Variants in ATRN observed in about 807,000 individuals in gnomAD.
The protein encoded by ATRN is attractin-2.
ATRN carries 54 observed loss-of-function variants against 178.7 expected under a neutral mutation model. The observed-to-expected ratio is 0.30, with a 90% confidence interval of 0.24 to 0.38. The LOEUF (loss-of-function observed/expected upper bound fraction) is 0.38, where lower values mean the gene tolerates loss of function less well. ATRN is among the 10% of genes least tolerant of loss of function. ATRN has a pLI of 1.00. For missense variants in ATRN, 1,443 were observed against 1,815.1 expected (o/e 0.79, Z 3.73); for synonymous variants, 636 against 663.0 (o/e 0.96, Z 0.63).
intron 24 of ATRN, among the ~76,000 whole-genome samples, chr20:3,617,634 T>C (rs1158873709): frequency 6.6e-6 from 1 of 151,870 alleles, no homozygotes; most frequent in Non-Finnish European, 1.5e-5. Context: ...GCCTGGGCAA[T>C]ATAGTGAGAC....
intron 28 of ATRN, among the ~76,000 whole-genome samples, chr20:3,646,153 G>A (rs2087106400): frequency 6.6e-6 from 1 of 152,162 alleles, no homozygotes; most frequent in East Asian, 1.9e-4. Context: ...CTGAGGTGCA[G>A]GGAGGTTAAA....
rs111995875 is a variant in ATRN, at chr20:3,581,607, A to C, written c.2545-528A>C. ...CTGGAAATCCAAAATGCTCTAGTGA[A>C]CATTTTCCTTCAGCATCCATCATGT... On this transcript the variant is annotated intron_variant, in intron 15 of 28. Coordinates refer to ENST00000262919, the MANE Select transcript of ATRN (RefSeq NM_139321.3). 6.2e-3 allele frequency among the ~76,000 whole-genome samples: 935 copies of C among 151,696 alleles called. 14 individuals are homozygous for C. The highest frequency in any genetic ancestry group is 0.021 in the African/African-American group (868 of 40,972).
At position 3,515,127 on chromosome 20, in the gene ATRN, C is replaced by T. The variant is rs549772576; in HGVS notation, c.411-20126C>T. Reference sequence around the variant, plus strand: ...TTTTCATTTTCAGTATTGTAATGAACGTCTAAAACAGCTGCAGTAAGGCAA... The same window carrying T: ...TTTTCATTTTCAGTATTGTAATGAATGTCTAAAACAGCTGCAGTAAGGCAA... On this transcript the variant is annotated intron_variant, in intron 1 of 28. Coordinates refer to ENST00000262919, the MANE Select transcript of ATRN (RefSeq NM_139321.3). 4.6e-5 allele frequency among the ~76,000 whole-genome samples: 7 copies of T among 152,076 alleles called. No individual in the cohort carries two copies. The South Asian group carries it at 6.2e-4, about 14-fold the overall frequency.
At chr20:3,637,662 G>A (rs1355649933) in intron 26 of ATRN, among the ~76,000 whole-genome samples, 1 of 152,018 alleles carries the variant, frequency 6.6e-6, no homozygotes, top group Non-Finnish European at 1.5e-5. Context: ...ATATGTGAAC[G>A]GCCGTTCACC....
intron 15 of ATRN, among the ~76,000 whole-genome samples, 183 bp downstream of exon 15, chr20:3,578,955 T>G (rs2086246659): frequency 6.6e-6 from 1 of 152,192 alleles, no homozygotes; most frequent in African/African-American, 2.4e-5. Context: ...TCTTAAAATT[T>G]TTAATACTTT....
chr20:3,523,444 G>T (rs1487654174), intron 1 of ATRN, among the ~76,000 whole-genome samples: 1 of 152,148 alleles, frequency 6.6e-6, no homozygotes, highest in East Asian at 1.9e-4. Context: ...CGTTTGATTG[G>T]TGTACCTGAA....
intron 9 of ATRN, 37 bp downstream of exon 9, chr20:3,562,496 A>G (rs754061976): frequency 1.9e-6 from 3 of 1,601,736 alleles, no homozygotes; most frequent in Non-Finnish European, 2.6e-6. Context: ...TTTAAGGTGT[A>G]AATTCTGTAG....
intron 3 of ATRN, among the ~76,000 whole-genome samples, chr20:3,542,184 A>G (rs2085631899): frequency 6.6e-6 from 1 of 152,204 alleles, no homozygotes; most frequent in South Asian, 2.1e-4. Context: ...TTGTAGCAAA[A>G]AGCACCCCAG....
intron 13 of ATRN, among the ~76,000 whole-genome samples, 172 bp from the exon 14 acceptor site, chr20:3,576,687 G>GTCTA (rs1163234122): frequency 3.4e-3 from 295 of 87,862 alleles, no homozygotes; most frequent in African/African-American, 0.011. Flanking sequence ...CTATCTGTCT[G>GTCTA]TCTGTCTGTC....
intron 25 of ATRN, among the ~76,000 whole-genome samples, chr20:3,627,127 G>T (rs114058108): frequency 0.017 from 2,516 of 152,292 alleles, 67 homozygotes; most frequent in African/African-American, 0.057. Flanking sequence ...ATTTTAAGAT[G>T]ATTTGGTTGA....
rs2087010917 is a variant in ATRN at position 3,634,398 on chromosome 20, C to CAGTG, written c.3942+10_3942+13dup. 1 of 1,609,638 alleles carries CAGTG rather than the reference C, an allele frequency of 6.2e-7. No individual in the cohort carries two copies. The highest frequency in any genetic ancestry group is 1.3e-5 in the African/African-American group (1 of 74,854). The stretch of plus-strand genomic sequence containing the variant: ...CCTCCAGACGTAGAGAGGTAAGCTT[C>CAGTG]AGTGGGTAAAGATTAAAGAATCCCT... On this transcript the variant is annotated intron_variant, in intron 26 of 28. Transcript: ENST00000262919.
intron 25 of ATRN, among the ~76,000 whole-genome samples, chr20:3,626,933 C>T (rs188068731): frequency 6.6e-6 from 1 of 151,932 alleles, no homozygotes; most frequent in South Asian, 2.1e-4. Context: ...ATTACAGGCA[C>T]GTGCCACCAC....
At chr20:3,510,667 G>T (rs1316499156) in intron 1 of ATRN, among the ~76,000 whole-genome samples, 1 of 152,108 alleles carries the variant, frequency 6.6e-6, no homozygotes, top group African/African-American at 2.4e-5. Context: ...AGGTGAAGGG[G>T]TGTTCTTCTT....
chr20:3,622,316 G>T (rs1474432553), intron 24 of ATRN, among the ~76,000 whole-genome samples: 2 of 152,192 alleles, frequency 1.3e-5, no homozygotes, highest in Non-Finnish European at 1.5e-5. Context: ...GATAACTGAA[G>T]GGCTAAATCT....
At chr20:3,628,980 A>C (rs1447633654) in intron 25 of ATRN, 8 of 985,212 alleles carry the variant, frequency 8.1e-6, no homozygotes, top group Non-Finnish European at 9.6e-6. Context: ...CATGCCCAGA[A>C]GTGACCAATT....
chr20:3,620,365 G>A (rs2146311713), intron 24 of ATRN, among the ~76,000 whole-genome samples: 1 of 152,206 alleles, frequency 6.6e-6, no homozygotes, highest in South Asian at 2.1e-4. Context: ...TTGTGCCTCA[G>A]CCCCCCAAGT....
chr20:3,623,654 T>C (rs1447981171), intron 24 of ATRN, among the ~76,000 whole-genome samples: 2 of 152,064 alleles, frequency 1.3e-5, no homozygotes, highest in East Asian at 1.9e-4. Context: ...TACCATTGTC[T>C]CTCCAAAGAG....
Position 3,584,690 on chromosome 20 carries a change from G to A in ATRN, c.2994G>A (p.Glu998=). The change falls in exon 18 of 29, where the codon GAG becomes GAA. Residue 998 remains glutamate, a synonymous_variant. Coordinates refer to ENST00000262919, the MANE Select transcript of ATRN (RefSeq NM_139321.3). ...SGYCTCSHCL[E]QPGCGWCTDP... is the part of the protein sequence containing the mutation. ...ACTGTACCTGTAGTCATTGCTTGGA[G>A]CAACCAGGCTGTGGCTGGTGTACTG... is the stretch of plus-strand genomic sequence containing the variant. 1 of 1,613,930 alleles carries A rather than the reference G, an allele frequency of 6.2e-7. No homozygotes were observed.
rs915020243 is a variant in ATRN, at chr20:3,559,563, C to T, written c.1203+80C>T. 1.0e-5 allele frequency: 12 copies of T among 1,193,836 alleles called. No homozygotes were observed. The African/African-American group carries it at 1.2e-4, about 12-fold the overall frequency. 74.0% of individuals were successfully genotyped at this position (1,193,836 alleles called of 1,614,324 possible). On this transcript the variant is annotated intron_variant, in intron 7 of 28. Coordinates refer to ENST00000262919, the MANE Select transcript of ATRN (RefSeq NM_139321.3). The stretch of plus-strand genomic sequence containing the variant: ...CATGTATTACATAGTTGAAAAGCTA[C>T]CTCAGTGTTGGTTTTTAATTGGGGA...
Sources: gnomAD v4.1 joint callset for allele counts (sites outside exome capture counted in the v4.1 genomes callset) on GRCh38, gnomAD v4.1.1 for gene constraint, MANE v1.5 for transcripts, NCBI Gene and HGNC (gene_info 2026-07-23, HGNC 2026-07-21) for gene names.